The following UFD1 variants were observed in gnomAD, a reference collection of about 807,000 sequenced individuals.
UFD1 encodes the protein ubiquitin recognition factor in ER-associated degradation protein 1.
A neutral mutation model predicts 45.9 loss-of-function variants in UFD1; 13 were observed. The observed-to-expected ratio is 0.28, with a 90% CI of 0.18 to 0.45. The LOEUF (loss-of-function observed/expected upper bound fraction) is 0.45. Among genes scored for constraint, UFD1 ranks in the 20% least tolerant of loss-of-function variants. UFD1 has a pLI of 1.00. For synonymous variants in UFD1, 128 were observed against 139.2 expected, an observed-to-expected ratio of 0.92 and a Z score of 0.56; for missense variants, 218 against 389.2, an observed-to-expected ratio of 0.56 and a Z score of 3.70.
At chr22:19,473,869 T>C (rs961291193) in intron 3 of UFD1, among the ~76,000 whole-genome samples, 4 of 152,200 alleles carry the variant, frequency 2.6e-5, no homozygotes, top group Non-Finnish European at 4.4e-5. Context: ...TGTTCTCTGC[T>C]TGCTGCCACC....
At position 19,454,144 on chromosome 22, in the gene UFD1, C is replaced by T. The variant is rs151006643; in HGVS notation, c.849+605G>A. The T allele has an allele frequency of 2.3e-5, 23 of 986,190 alleles. No individual in the cohort carries two copies. In the East Asian group the frequency reaches 2.4e-3, roughly 102 times the overall value. 61.1% of individuals were successfully genotyped at this position (986,190 alleles called of 1,614,324 possible). A position where few individuals can be genotyped will look rare whatever the true frequency, so the allele number is the denominator to read the frequency against. On this transcript the variant is annotated intron_variant, in intron 11 of 11. Transcript: ENST00000263202. ...CCCAGGGCACACAGTTCTGTGATAA[C>T]AGAGCCTGGAGTCGGCTCTAGAGCA...
chr22:19,462,634 C>T (rs1303501718), intron 6 of UFD1, among the ~76,000 whole-genome samples: 3 of 152,028 alleles, frequency 2.0e-5, no homozygotes, highest in African/African-American at 7.3e-5. Flanking sequence ...CGCGCCACTG[C>T]ACTCCAGCCA....
intron 3 of UFD1, among the ~76,000 whole-genome samples, chr22:19,473,264 A>G (rs1175239461): frequency 6.6e-6 from 1 of 152,186 alleles, no homozygotes; most frequent in Non-Finnish European, 1.5e-5. Context: ...CTCAAACTGC[A>G]TTTTGTGACT....
At position 19,479,110 on chromosome 22, in the gene UFD1, G is replaced by A. The variant is rs1437164553; in HGVS notation, c.-25C>T. On this transcript the variant is annotated 5_prime_UTR_variant, in exon 1 of 12. Transcript: ENST00000263202. ...TGATGGACACCACCTGGCAGACTCCGCTCCTCTCAGGCAATGCAACGAAGA... is the reference window on the plus strand; with the variant it reads ...TGATGGACACCACCTGGCAGACTCCACTCCTCTCAGGCAATGCAACGAAGA... The A allele has an allele frequency of 1.3e-6, 2 of 1,599,696 alleles. No homozygotes were observed. Among genetic ancestry groups the A allele is most frequent in the Non-Finnish European group, 1.7e-6 (2 of 1,172,192 alleles).
At chr22:19,474,295 A>G (rs142650853) in intron 3 of UFD1, among the ~76,000 whole-genome samples, 2 of 152,276 alleles carry the variant, frequency 1.3e-5, no homozygotes, top group African/African-American at 4.8e-5. Flanking sequence ...CTATAATCCC[A>G]TAACTTTGGG....
intron 5 of UFD1, chr22:19,466,074 G>A (rs1001965219): frequency 6.6e-6 from 1 of 152,262 alleles, no homozygotes; most frequent in African/African-American, 2.4e-5. Context: ...TCCAACTTGA[G>A]GGTGAAAGGG....
intron 11 of UFD1, chr22:19,451,329 G>T (rs1264939463): frequency 1.1e-5 from 11 of 985,332 alleles, no homozygotes; most frequent in Non-Finnish European, 1.3e-5. Flanking sequence ...TCTACCAGTG[G>T]ACATTGTTGT....
chr22:19,453,274 C>T, intron 11 of UFD1: 1 of 985,442 alleles, frequency 1.0e-6, no homozygotes, highest in Non-Finnish European at 1.2e-6. Context: ...TACTAAGGTA[C>T]CTGGGGCTTC....
At chr22:19,473,696 C>T (rs1372664247) in intron 3 of UFD1, among the ~76,000 whole-genome samples, 1 of 152,182 alleles carries the variant, frequency 6.6e-6, no homozygotes, top group African/African-American at 2.4e-5. Context: ...TGGTTGGAAT[C>T]GGATAGCTTA....
intron 5 of UFD1, 137 bp downstream of exon 5, chr22:19,467,736 T>C: frequency 7.5e-6 from 11 of 1,464,098 alleles, no homozygotes; most frequent in Non-Finnish European, 1.0e-5. Flanking sequence ...CTGAACCCCA[T>C]TATTCTCAAA....
intron 10 of UFD1, among the ~76,000 whole-genome samples, chr22:19,455,232 T>G (rs1169506398): frequency 6.6e-6 from 1 of 152,172 alleles, no homozygotes; most frequent in African/African-American, 2.4e-5. Context: ...GGGTCTGCTG[T>G]GGGTCCCCGG....
rs764484919 is a variant in UFD1, at chr22:19,454,622, A to G, written c.849+127T>C. ...TTTTGTAAATTGCCCAGTCTCGGGT[A>G]CATCTTTACCAGCAGCTTGGAAACA... On this transcript the variant is annotated intron_variant, in intron 11 of 11. Coordinates refer to ENST00000263202, the MANE Select transcript of UFD1 (RefSeq NM_005659.7). The G allele has an allele frequency of 1.9e-6, 3 of 1,547,590 alleles. No homozygotes were observed. The South Asian group carries it at 3.5e-5, about 18-fold the overall frequency.
intron 11 of UFD1, chr22:19,451,364 C>A (rs1569324874): frequency 1.0e-6 from 1 of 985,258 alleles, no homozygotes; most frequent in Non-Finnish European, 1.2e-6. Flanking sequence ...TGTATTTGCA[C>A]ACAACTCTGA....
At chr22:19,459,342 T>C (rs1020683361) in intron 6 of UFD1, among the ~76,000 whole-genome samples, 3 of 152,166 alleles carry the variant, frequency 2.0e-5, no homozygotes, top group African/African-American at 4.8e-5. Flanking sequence ...GGGCCGTGCG[T>C]GGTGGCTCAC....
chr22:19,467,797 T>C, intron 5 of UFD1, 76 bp downstream of exon 5: 1 of 1,579,188 alleles, frequency 6.3e-7, no homozygotes, highest in South Asian at 1.2e-5. Flanking sequence ...ACAGATTCAA[T>C]ACAGTACATG....
chr22:19,460,282 G>A (rs550948212), intron 6 of UFD1, among the ~76,000 whole-genome samples: 1 of 152,202 alleles, frequency 6.6e-6, no homozygotes, highest in African/African-American at 2.4e-5. Flanking sequence ...CCTAGGGCTT[G>A]GCTCATGCTT....
intron 4 of UFD1, among the ~76,000 whole-genome samples, chr22:19,469,540 C>A (rs960598636): frequency 6.6e-6 from 1 of 152,146 alleles, no homozygotes; most frequent in Non-Finnish European, 1.5e-5. Flanking sequence ...AACGGGCAGC[C>A]GAGTACCCAC....
intron 7 of UFD1, 51 bp from the exon 8 acceptor site, chr22:19,456,969 GCTTC>G (rs1418759141): frequency 3.9e-6 from 5 of 1,294,320 alleles, no homozygotes; most frequent in Non-Finnish European, 5.5e-6. Flanking sequence ...ACCACCCTTG[GCTTC>G]CTTTTTTGTT....
chr22:19,454,878 G>T (rs757024403), intron 10 of UFD1, 48 bp from the exon 11 acceptor site: 12 of 1,584,234 alleles, frequency 7.6e-6, no homozygotes, highest in Non-Finnish European at 9.4e-6. Flanking sequence ...AGGAAAAAAG[G>T]ACTAAAATTC....
Sources: gnomAD v4.1 joint callset for allele counts (sites outside exome capture counted in the v4.1 genomes callset) on GRCh38, gnomAD v4.1.1 for gene constraint, MANE v1.5 for transcripts, NCBI Gene and HGNC (gene_info 2026-07-23, HGNC 2026-07-21) for gene names.